TLK1: variants seen among roughly 807,000 people sequenced by gnomAD.
The protein encoded by TLK1 is serine/threonine-protein kinase tousled-like 1.
In TLK1, 24 loss-of-function variants were observed where a neutral mutation model predicts 105.3. The ratio of observed to expected loss-of-function variants is 0.23; its 90% confidence interval spans 0.17 to 0.32. The LOEUF is 0.32. TLK1 is among the 10% of genes least tolerant of loss of function. The pLI, the probability that TLK1 is intolerant of heterozygous loss-of-function variation, is 1.00. For missense variants in TLK1, 558 were observed against 910.5 expected, an observed-to-expected ratio of 0.61 and a Z score of 4.98; for synonymous variants, 321 against 310.4, an observed-to-expected ratio of 1.03 and a Z score of -0.36.
Position 171,122,617 on chromosome 2 carries a change from A to G in TLK1, c.140-4760T>C, listed in dbSNP as rs138966227. 3.4e-3 allele frequency among the ~76,000 whole-genome samples: 510 copies of G among 152,196 alleles called. 4 individuals carry two copies. Among genetic ancestry groups the G allele is most frequent in the African/African-American group, 0.011 (455 of 41,516 alleles). On this transcript the variant is annotated intron_variant, in intron 1 of 20. Coordinates refer to ENST00000431350, the MANE Select transcript of TLK1 (RefSeq NM_012290.5). Reference sequence around the variant, plus strand: ...CTGGCCAACAGGCAAAATCATATAGATACTTACATAACAAGACAGAAACAA... The same window carrying G: ...CTGGCCAACAGGCAAAATCATATAGGTACTTACATAACAAGACAGAAACAA...
intron 3 of TLK1, among the ~76,000 whole-genome samples, chr2:171,078,294 C>A (rs1488149185): frequency 6.6e-6 from 1 of 152,116 alleles, no homozygotes; most frequent in Non-Finnish European, 1.5e-5. Context: ...AATCCCAGCA[C>A]TTTGGAAGGC....
At chr2:171,082,291 T>G (rs1269111907) in intron 3 of TLK1, among the ~76,000 whole-genome samples, 1 of 151,750 alleles carries the variant, frequency 6.6e-6, no homozygotes, top group Non-Finnish European at 1.5e-5. Context: ...GGGGAGGGAT[T>G]AAGAGGGGAG....
At chr2:171,113,309 C>A (rs1276949391) in intron 2 of TLK1, among the ~76,000 whole-genome samples, 1 of 149,706 alleles carries the variant, frequency 6.7e-6, no homozygotes, top group Non-Finnish European at 1.5e-5. Flanking sequence ...TCACTCTTGT[C>A]ACCCAGGCTG....
At chr2:171,092,004 T>A (rs1689259391) in intron 2 of TLK1, among the ~76,000 whole-genome samples, 1 of 149,204 alleles carries the variant, frequency 6.7e-6, no homozygotes, top group Non-Finnish European at 1.5e-5. Flanking sequence ...AGTGCTGGGA[T>A]TACAGGCATG....
chr2:171,193,700 A>ATTTTTTTT (rs35175399), intron 1 of TLK1, among the ~76,000 whole-genome samples: 2 of 64,632 alleles, frequency 3.1e-5, no homozygotes, highest in Admixed American at 2.3e-4. Flanking sequence ...AGCGCCTGGC[A>ATTTTTTTT]TTTTTTTTTT....
chr2:171,151,770 C>G (rs998755296), intron 1 of TLK1, among the ~76,000 whole-genome samples: 6 of 152,142 alleles, frequency 3.9e-5, no homozygotes, highest in African/African-American at 1.4e-4. Context: ...CCACCGCGCC[C>G]AGCCATGTGT....
At chr2:171,110,925 C>T (rs1690132629) in intron 2 of TLK1, among the ~76,000 whole-genome samples, 1 of 152,168 alleles carries the variant, frequency 6.6e-6, no homozygotes, top group Non-Finnish European at 1.5e-5. Flanking sequence ...ATAAGAGCTA[C>T]GCATTTTACT....
At chr2:171,200,886 T>C (rs976095418) in intron 1 of TLK1, among the ~76,000 whole-genome samples, 47 of 150,328 alleles carry the variant, frequency 3.1e-4, no homozygotes, top group Non-Finnish European at 5.5e-4. Flanking sequence ...CCCTTCTTTT[T>C]TTTTTTTTTT....
At chr2:171,124,599 T>A (rs1049973327) in intron 1 of TLK1, among the ~76,000 whole-genome samples, 2 of 152,208 alleles carry the variant, frequency 1.3e-5, no homozygotes, top group African/African-American at 4.8e-5. Flanking sequence ...CACACATGGA[T>A]AGATGGAAAT....
At chr2:171,176,200 G>A (rs1330374889) in intron 1 of TLK1, among the ~76,000 whole-genome samples, 1 of 152,086 alleles carries the variant, frequency 6.6e-6, no homozygotes, top group Admixed American at 6.5e-5. Flanking sequence ...TCAGCCTCCC[G>A]AAGTGTTGGG....
At position 171,117,765 on chromosome 2, in the gene TLK1, T is replaced by C; in HGVS notation, c.232A>G (p.Thr78Ala). Residue 78 changes from threonine to alanine, a missense_variant, in exon 2 of 21, where the codon ACG (threonine) becomes GCG (alanine). By Grantham distance (58) the Thr-to-Ala change is moderately conservative. Coordinates refer to ENST00000431350, the MANE Select transcript of TLK1 (RefSeq NM_012290.5). ...TGVASGSTGS[T>A]GSCSVGAKAS... The stretch of plus-strand genomic sequence containing the variant: ...TTAGCTCCAACACTGCAACTGCCCG[T>C]ACTTCCAGTGCTCCCACTTGCAACT... The C allele has an allele frequency of 6.2e-7, 1 of 1,613,908 alleles. No individual in the cohort carries two copies. The highest frequency in any genetic ancestry group is 8.5e-7 in the Non-Finnish European group (1 of 1,179,930).
chr2:171,180,656 T>C (rs1048262622), intron 1 of TLK1, among the ~76,000 whole-genome samples: 4 of 152,164 alleles, frequency 2.6e-5, no homozygotes, highest in Admixed American at 6.5e-5. Context: ...TTTGTGCTGA[T>C]GTTACAAAGT....
intron 18 of TLK1, among the ~76,000 whole-genome samples, chr2:171,003,273 CAAAAAAAAAAAAAAAAA>C (rs777049271): frequency 0.41 from 28,344 of 69,580 alleles, 4,004 homozygotes; most frequent in Middle Eastern, 0.63. Context: ...GACTCCGTCT[CAAAAAAAAAAAAAAAAA>C]AAAAAAAAAA....
intron 12 of TLK1, among the ~76,000 whole-genome samples, chr2:171,023,488 T>C (rs987447972): frequency 1.3e-5 from 2 of 151,954 alleles, no homozygotes; most frequent in Non-Finnish European, 2.9e-5. Context: ...TAATACTCCA[T>C]ACTGAGATGT....
At chr2:171,207,947 G>A (rs1485276719) in intron 1 of TLK1, among the ~76,000 whole-genome samples, 3 of 152,006 alleles carry the variant, frequency 2.0e-5, no homozygotes, top group East Asian at 3.9e-4. Flanking sequence ...GGCTGGTCTC[G>A]AACTCCTGAC....
At chr2:171,230,238 T>C (rs1041705486) in intron 1 of TLK1, among the ~76,000 whole-genome samples, 12 of 152,214 alleles carry the variant, frequency 7.9e-5, no homozygotes, top group African/African-American at 2.9e-4. Context: ...ACAAGAATCC[T>C]GGGCAGAAAT....
At position 171,160,419 on chromosome 2, in the gene TLK1, G is replaced by C. The variant is rs779847470; in HGVS notation, c.10C>G (p.Gln4Glu). The change falls in exon 1 of 21, where the codon CAA (glutamine) becomes GAA (glutamate). Residue 4 changes from glutamine (Q) to glutamate (E), a missense_variant. Physicochemically the swap from Gln to Glu is conservative, Grantham distance 29. Transcript: ENST00000431350. The surrounding 1 kb of genome is among the most constrained non-coding windows in gnomAD (Gnocchi z 4.4). MSVQSSSGSLEGPP... is the reference protein window; with the variant it reads MSVESSSGSLEGPP... ...CCCTCCAAACTTCCACTGCTACTTTGGACACTCATCAAGCTACTTTCTGGG... is the reference window on the plus strand; with the variant it reads ...CCCTCCAAACTTCCACTGCTACTTTCGACACTCATCAAGCTACTTTCTGGG... 7.5e-6 allele frequency: 12 copies of C among 1,603,552 alleles called. No homozygotes were observed. In the East Asian group the frequency reaches 2.1e-4, roughly 28 times the overall value.
Position 171,011,385 on chromosome 2 carries a change from A to C in TLK1, c.1404T>G (p.Ser468Arg). 6.2e-7 allele frequency: 1 copy of C among 1,612,796 alleles called. No homozygotes were observed. The highest frequency in any genetic ancestry group is 8.5e-7 in the Non-Finnish European group (1 of 1,179,380). The change falls in exon 14 of 21, where the codon AGT becomes AGG. Residue 468 changes from serine (S) to arginine (R), a missense_variant. Around this residue, in one of 5 missense-constraint regions of TLK1, gnomAD observed 218 missense variants for 492.9 expected, o/e 0.44. Coordinates refer to ENST00000431350, the MANE Select transcript of TLK1 (RefSeq NM_012290.5). ...AAACATACATTACCTTATACACTTC[A>C]CTAAAGCCACCTCTACCAAGCAGAT... ...LLHLLGRGGF[S>R]EVYKAFDLYE...
intron 3 of TLK1, among the ~76,000 whole-genome samples, chr2:171,073,355 A>G (rs113510695): frequency 2.0e-4 from 31 of 152,280 alleles, no homozygotes; most frequent in African/African-American, 7.5e-4. Context: ...TTAAAGGGTA[A>G]CATTTAACAG....
Sources: allele counts gnomAD v4.1 joint callset (sites outside exome capture counted in the v4.1 genomes callset), GRCh38; gene constraint gnomAD v4.1.1; regional missense constraint gnomAD v4.1.1; non-coding constraint Gnocchi (gnomAD v3.1); transcripts MANE v1.5; gene names NCBI Gene and HGNC (gene_info 2026-07-23, HGNC 2026-07-21).